The following FLI1 variants were observed in gnomAD, a reference collection of about 807,000 sequenced individuals.
FLI1 encodes Friend leukemia integration 1 transcription factor.
FLI1 carries 13 observed loss-of-function variants against 53.1 expected under a neutral mutation model. That is an observed-to-expected ratio of 0.24 (90% confidence interval 0.16 to 0.39). The LOEUF is 0.39. Among genes scored for constraint, FLI1 ranks in the 10% least tolerant of loss-of-function variants. The pLI, the probability that FLI1 is intolerant of heterozygous loss-of-function variation, is 1.00. For missense variants in FLI1, 424 were observed against 600.5 expected, an observed-to-expected ratio of 0.71 and a Z score of 3.07; for synonymous variants, 244 against 236.7, an observed-to-expected ratio of 1.03 and a Z score of -0.28.
intron 1 of FLI1, among the ~76,000 whole-genome samples, chr11:128,731,582 C>T (rs549160664): frequency 6.6e-6 from 1 of 152,194 alleles, no homozygotes; most frequent in Admixed American, 6.5e-5. Flanking sequence ...AAAACCCTTC[C>T]TGAGTGAACT....
chr11:128,723,263 G>A lies in FLI1; in HGVS notation c.18+28987G>A, dbSNP rs150992625. On this transcript the variant is annotated intron_variant, in intron 1 of 8. Coordinates refer to ENST00000527786, the MANE Select transcript of FLI1 (RefSeq NM_002017.5). ...CATGGCACAATTAAAGAGAAGAGAG[G>A]AGCAAGTGGGGGCTCAGGCAGTGTA... Among the ~76,000 whole-genome samples the A allele has an allele frequency of 8.8e-4, 134 of 152,202 alleles. 1 individual carries two copies. Among genetic ancestry groups the A allele is most frequent in the African/African-American group, 3.2e-3 (131 of 41,514 alleles).
chr11:128,806,994 A>G, intron 6 of FLI1, 186 bp from the exon 7 acceptor site: 1 of 397,458 alleles, frequency 2.5e-6, no homozygotes, highest in Non-Finnish European at 4.5e-6. Flanking sequence ...TCATTCCTGA[A>G]TCTCCAGCCT....
intron 5 of FLI1, among the ~76,000 whole-genome samples, chr11:128,792,455 G>A (rs475952): frequency 0.39 from 59,721 of 152,062 alleles, 12,879 homozygotes; most frequent in African/African-American, 0.6. Context: ...GTTGTTTGCC[G>A]GGTGGGATGG....
At chr11:128,787,677 A>G (rs1438935940) in intron 5 of FLI1, among the ~76,000 whole-genome samples, 1 of 152,208 alleles carries the variant, frequency 6.6e-6, no homozygotes, top group Non-Finnish European at 1.5e-5. Flanking sequence ...AAAACTCATA[A>G]ATCAGCACAG....
At chr11:128,737,359 T>C (rs1251956258) in intron 1 of FLI1, among the ~76,000 whole-genome samples, 4 of 152,220 alleles carry the variant, frequency 2.6e-5, no homozygotes, top group African/African-American at 9.7e-5. Context: ...GCTTGAATGA[T>C]AGACACATAT....
In FLI1 at chr11:128,694,352, C is replaced by T. The variant is rs1344412702; in HGVS notation, c.18+76C>T. 1.0e-5 allele frequency: 12 copies of T among 1,160,636 alleles called. No homozygotes were observed. In the South Asian group the frequency reaches 4.0e-4, roughly 39 times the overall value. 71.9% of individuals were successfully genotyped at this position (1,160,636 alleles called of 1,614,324 possible). A position where few individuals can be genotyped will look rare whatever the true frequency, so the allele number is the denominator to read the frequency against. On this transcript the variant is annotated intron_variant, in intron 1 of 8. Coordinates refer to ENST00000527786, the MANE Select transcript of FLI1 (RefSeq NM_002017.5). The stretch of plus-strand genomic sequence containing the variant: ...AAGCGGCGGGCGGGTAGGTGCGGGG[C>T]CCGCGTCCCGGAAGACGTGGCCTCT...
At chr11:128,776,652 A>G (rs1360098293) in intron 4 of FLI1, among the ~76,000 whole-genome samples, 1 of 152,316 alleles carries the variant, frequency 6.6e-6, no homozygotes, top group East Asian at 1.9e-4. Flanking sequence ...CTCTGTCTTC[A>G]GAGGAAAAAA....
chr11:128,765,835 T>C (rs1941320628), intron 2 of FLI1, among the ~76,000 whole-genome samples: 1 of 152,186 alleles, frequency 6.6e-6, no homozygotes, highest in Non-Finnish European at 1.5e-5. Flanking sequence ...TGCATGTGTG[T>C]GCATGTGTTG....
At chr11:128,721,681 T>C (rs1939259863) in intron 1 of FLI1, among the ~76,000 whole-genome samples, 1 of 152,186 alleles carries the variant, frequency 6.6e-6, no homozygotes, top group Non-Finnish European at 1.5e-5. Flanking sequence ...CTTTGGGGGC[T>C]GGGATGTTTA....
intron 5 of FLI1, among the ~76,000 whole-genome samples, chr11:128,784,265 C>CTGCTG (rs1565498657): frequency 5.4e-5 from 7 of 130,306 alleles, no homozygotes; most frequent in South Asian, 2.7e-4. Flanking sequence ...TCCTCCTCCT[C>CTGCTG]CTCCTGCTGT....
At position 128,772,684 on chromosome 11, in the gene FLI1, G is replaced by C. The variant is rs571244366; in HGVS notation, c.386-98G>C. The C allele has an allele frequency of 6.6e-6, 6 of 913,282 alleles. No individual in the cohort carries two copies. The South Asian group carries it at 7.1e-5, about 11-fold the overall frequency. 56.6% of individuals were successfully genotyped at this position (913,282 alleles called of 1,614,324 possible). On this transcript the variant is annotated intron_variant, in intron 3 of 8. Coordinates refer to ENST00000527786, the MANE Select transcript of FLI1 (RefSeq NM_002017.5). ...GAGCTCTCCCAGAGAGAAAGAGAAG[G>C]GAAAGAAAGAGGGACAAGGGGTGAG...
At chr11:128,800,259 GTGCTGCCAGCC>G (rs1410934767) in intron 5 of FLI1, among the ~76,000 whole-genome samples, 1 of 152,198 alleles carries the variant, frequency 6.6e-6, no homozygotes, top group African/African-American at 2.4e-5. Flanking sequence ...ACAGGGTTAG[GTGCTGCCAGCC>G]TTCTTAGCAG....
intron 5 of FLI1, 27 bp from the exon 6 acceptor site, chr11:128,805,339 G>T: frequency 7.0e-7 from 1 of 1,431,494 alleles, no homozygotes; most frequent in Admixed American, 1.9e-5. Flanking sequence ...CGATGCTAAT[G>T]TACCCCTATT....
At chr11:128,715,490 C>T (rs777510175) in intron 1 of FLI1, among the ~76,000 whole-genome samples, 2 of 152,228 alleles carry the variant, frequency 1.3e-5, no homozygotes, top group Non-Finnish European at 2.9e-5. Context: ...AGAGCCCCTG[C>T]TGTGCAACTT....
chr11:128,708,793 C>T (rs1444262329), intron 1 of FLI1, among the ~76,000 whole-genome samples: 3 of 152,142 alleles, frequency 2.0e-5, no homozygotes, highest in Non-Finnish European at 4.4e-5. Flanking sequence ...GATTCCGAGC[C>T]TTATTTGGAC....
At chr11:128,807,744 C>G (rs1942824256) in intron 7 of FLI1, among the ~76,000 whole-genome samples, 1 of 152,184 alleles carries the variant, frequency 6.6e-6, no homozygotes, top group Admixed American at 6.5e-5. Context: ...CTATCCTACC[C>G]TCACCTCTAC....
chr11:128,739,154 T>C (rs1940026272), intron 1 of FLI1, among the ~76,000 whole-genome samples: 1 of 152,136 alleles, frequency 6.6e-6, no homozygotes, highest in Admixed American at 6.5e-5. Context: ...AGCCTTGCTC[T>C]GAGGAGACAG....
At chr11:128,764,860 G>A (rs1941270143) in intron 2 of FLI1, 1 of 1,584,024 alleles carries the variant, frequency 6.3e-7, no homozygotes, top group South Asian at 1.1e-5. Flanking sequence ...GCAGTGGGAG[G>A]AGGGCCAGCT....
intron 7 of FLI1, among the ~76,000 whole-genome samples, chr11:128,808,761 A>G (rs1161799981): frequency 6.6e-6 from 1 of 152,040 alleles, no homozygotes; most frequent in African/African-American, 2.4e-5. Context: ...TGTTGTTAGT[A>G]TTAGGTAGAG....
Sources: allele counts gnomAD v4.1 joint callset (sites outside exome capture counted in the v4.1 genomes callset), GRCh38; gene constraint gnomAD v4.1.1; transcripts MANE v1.5; gene names NCBI Gene and HGNC (gene_info 2026-07-23, HGNC 2026-07-21).